The following SARDH variants were observed in gnomAD, a reference collection of about 807,000 sequenced individuals.
SARDH encodes the protein sarcosine dehydrogenase.
Under a neutral mutation model 109.1 loss-of-function variants are expected in SARDH, and 95 were observed. That is an observed-to-expected ratio of 0.87 (90% CI 0.74 to 1.03). SARDH has a LOEUF of 1.03. Ranked by LOEUF, SARDH falls within the 50% of genes least tolerant of loss-of-function variation. The pLI is 0.00. For synonymous variants in SARDH, 572 were observed against 534.8 expected (o/e 1.07, Z -0.96); for missense variants, 1,267 against 1,287.8 (o/e 0.98, Z 0.25).
At chr9:133,735,422 A>G (rs1832850290) in intron 1 of SARDH, among the ~76,000 whole-genome samples, 1 of 152,112 alleles carries the variant, frequency 6.6e-6, no homozygotes. Context: ...TCCAATAACA[A>G]TGAGAATGCA....
At chr9:133,738,835 GCCT>G (rs1832969514), upstream of SARDH, among the ~76,000 whole-genome samples, 1 of 152,214 alleles carries the variant, frequency 6.6e-6, no homozygotes, top group South Asian at 2.1e-4. Flanking sequence ...GAGTGAGAAG[GCCT>G]GGGTCAGCTT....
In SARDH at chr9:133,666,456, C is replaced by T. The variant is rs1008142977; in HGVS notation, c.2631+279G>A. Among the ~76,000 whole-genome samples the T allele has an allele frequency of 6.6e-6, 1 of 152,156 alleles. No individual in the cohort carries two copies. Among genetic ancestry groups the T allele is most frequent in the African/African-American group, 2.4e-5 (1 of 41,440 alleles). On this transcript the variant is annotated intron_variant, in intron 20 of 20. Coordinates refer to ENST00000439388, the MANE Select transcript of SARDH (RefSeq NM_001134707.2). This position sits in a 1 kb window ranked among gnomAD's most constrained non-coding sequence, Gnocchi z 5.2. ...GCCCAGGCACAGCTGGGGAGTCCTC[C>T]ACCTGCTGAGGCCTCTTCCTCCCCC...
intron 8 of SARDH, among the ~76,000 whole-genome samples, chr9:133,714,498 GCCGGGTGCAGTGGCTCACGCCTGTAAT>G (rs1832047380): frequency 6.6e-6 from 1 of 152,248 alleles, no homozygotes; most frequent in Non-Finnish European, 1.5e-5. Context: ...GTGAGCTGAG[GCCGGGTGCAGTGGCTCACGCCTGTAAT>G]CCCAGTACTT....
At chr9:133,724,258 C>T (rs1227961801) in intron 6 of SARDH, among the ~76,000 whole-genome samples, 1 of 152,132 alleles carries the variant, frequency 6.6e-6, no homozygotes, top group African/African-American at 2.4e-5. Flanking sequence ...GTTCATAAAT[C>T]ATATATGTAA....
chr9:133,731,339 G>T lies in SARDH; in HGVS notation c.656C>A (p.Thr219Asn), dbSNP rs1325463816. The change falls in exon 4 of 21, where the codon ACC becomes AAC. Residue 219 changes from threonine (T) to asparagine (N), a missense_variant. By Grantham distance (65) the Thr-to-Asn change is moderately conservative (BLOSUM62 0). Transcript: ENST00000439388. ...TCGGGCAGAAGCTGCCCTGGCGAGG[G>T]TGGTACAGGTGCCAGCGGGGTCCAT... ...GTMDPAGTCT[T>N]LARAASARGA... 4 of 1,614,072 alleles carry T rather than the reference G, an allele frequency of 2.5e-6. No individual in the cohort carries two copies. In the Admixed American group the frequency reaches 6.7e-5, roughly 27 times the overall value.
chr9:133,670,489 G>C, intron 19 of SARDH, 95 bp downstream of exon 19: 1 of 1,341,514 alleles, frequency 7.5e-7, no homozygotes, highest in Non-Finnish European at 1.0e-6. Context: ...GGAAGTGTTG[G>C]TACCAGGGGC....
chr9:133,687,571 G>A (rs893118909), intron 16 of SARDH, among the ~76,000 whole-genome samples: 8 of 152,076 alleles, frequency 5.3e-5, no homozygotes, highest in Admixed American at 2.6e-4. Context: ...ATGAGCCACC[G>A]AGCCCAGCCT....
intron 7 of SARDH, among the ~76,000 whole-genome samples, 154 bp from the exon 8 acceptor site, chr9:133,717,609 T>TC (rs35683139): frequency 6.6e-6 from 1 of 151,556 alleles, no homozygotes; most frequent in Non-Finnish European, 1.5e-5. Flanking sequence ...GCCGTTTGTC[T>TC]CCCCCACCCA....
intron 17 of SARDH, among the ~76,000 whole-genome samples, chr9:133,679,588 C>T (rs984154619): frequency 2.0e-5 from 3 of 152,152 alleles, no homozygotes; most frequent in African/African-American, 7.2e-5. Flanking sequence ...GGAGACACGC[C>T]GGGAGAGCAC....
At chr9:133,736,015 G>C (rs1443634271) in intron 1 of SARDH, among the ~76,000 whole-genome samples, 1 of 151,062 alleles carries the variant, frequency 6.6e-6, no homozygotes, top group East Asian at 1.9e-4. Flanking sequence ...ACTCCAGCCT[G>C]GGCAACAAGA....
intron 17 of SARDH, among the ~76,000 whole-genome samples, chr9:133,675,863 G>A (rs1409277157): frequency 6.6e-6 from 1 of 152,200 alleles, no homozygotes; most frequent in Non-Finnish European, 1.5e-5. Flanking sequence ...GGCCAAGGCA[G>A]GAGGACTGCT....
At chr9:133,676,514 A>G (rs1048592671) in intron 17 of SARDH, among the ~76,000 whole-genome samples, 14 of 152,230 alleles carry the variant, frequency 9.2e-5, no homozygotes, top group Non-Finnish European at 1.8e-4. Flanking sequence ...CCTTTTCTTC[A>G]TGGGAAACTG....
Position 133,722,642 on chromosome 9 carries a change from G to GCTCTCTCTCTCTCTCTCT in SARDH, c.916-3618_916-3601dup, listed in dbSNP as rs56179331. On this transcript the variant is annotated intron_variant, in intron 6 of 20. Coordinates refer to ENST00000439388, the MANE Select transcript of SARDH (RefSeq NM_001134707.2). ...AGGAAACCACTAAAAAACTACTAGCGCTCTCTCTCTCTCTCTCTCTCTCTC... is the reference window on the plus strand; with the variant it reads ...AGGAAACCACTAAAAAACTACTAGCGCTCTCTCTCTCTCTCTCTCTCTCTCTCTCTCTCTCTCTCTCTC... Among the ~76,000 whole-genome samples the GCTCTCTCTCTCTCTCTCT allele has an allele frequency of 3.5e-4, 51 of 145,842 alleles. 2 individuals carry two copies. Among genetic ancestry groups the GCTCTCTCTCTCTCTCTCT allele is most frequent in the East Asian group, 1.6e-3 (8 of 4,916 alleles).
chr9:133,732,327 C>T, intron 3 of SARDH, 96 bp downstream of exon 3: 1 of 750,550 alleles, frequency 1.3e-6, no homozygotes, highest in African/African-American at 1.9e-5. Context: ...GCCCACCCTA[C>T]CCCCCCACAG....
At chr9:133,661,397 AT>A (rs1832412896), downstream of SARDH, among the ~76,000 whole-genome samples, 1 of 151,822 alleles carries the variant, frequency 6.6e-6, no homozygotes, top group Admixed American at 6.6e-5. Flanking sequence ...CGTCCCATTC[AT>A]ACCCCCAACT....
chr9:133,701,233 C>T (rs1831473129), intron 13 of SARDH, among the ~76,000 whole-genome samples: 1 of 152,222 alleles, frequency 6.6e-6, no homozygotes, highest in Non-Finnish European at 1.5e-5. Context: ...GGGAAATTGG[C>T]CGGTGCTACA....
intron 17 of SARDH, among the ~76,000 whole-genome samples, chr9:133,684,872 C>T (rs1173385774): frequency 6.6e-6 from 1 of 152,324 alleles, no homozygotes; most frequent in Non-Finnish European, 1.5e-5. Context: ...GGCTGCCCCG[C>T]GCCTTTCAGG....
chr9:133,716,599 A>G (rs2427979), intron 8 of SARDH, among the ~76,000 whole-genome samples: 134,528 of 151,644 alleles, frequency 0.89, 59,820 homozygotes, highest in Admixed American at 0.93. Context: ...AGAGCCTTCC[A>G]GGCTCCCCAG....
intron 17 of SARDH, among the ~76,000 whole-genome samples, chr9:133,672,473 G>C (rs1830384287): frequency 6.6e-6 from 1 of 152,220 alleles, no homozygotes; most frequent in Non-Finnish European, 1.5e-5. Flanking sequence ...TGGGAGCCCA[G>C]CTTTATCTGT....
Sources: allele counts gnomAD v4.1 joint callset (sites outside exome capture counted in the v4.1 genomes callset), GRCh38; gene constraint gnomAD v4.1.1; non-coding constraint Gnocchi (gnomAD v3.1); transcripts MANE v1.5; gene names NCBI Gene and HGNC (gene_info 2026-07-23, HGNC 2026-07-21).